DSCAM: variants seen among roughly 807,000 people sequenced by gnomAD.
DSCAM encodes cell adhesion molecule DSCAM.
Under a neutral mutation model 217.7 loss-of-function variants are expected in DSCAM, and 47 were observed. The observed-to-expected ratio is 0.22, with a 90% CI of 0.17 to 0.28. DSCAM has a LOEUF of 0.28. Ranked by LOEUF, DSCAM falls within the 10% of genes least tolerant of loss-of-function variation. The pLI, the probability that DSCAM is intolerant of heterozygous loss-of-function variation, is 1.00. For synonymous variants in DSCAM, 1,056 were observed against 1,015.3 expected, an observed-to-expected ratio of 1.04 and a Z score of -0.76; for missense variants, 2,080 against 2,618.3, an observed-to-expected ratio of 0.79 and a Z score of 4.49.
chr21:40,561,563 T>C (rs533547397), intron 3 of DSCAM, among the ~76,000 whole-genome samples: 138 of 152,350 alleles, frequency 9.1e-4, no homozygotes, highest in African/African-American at 3.2e-3. Flanking sequence ...CATTCAGTGA[T>C]ACCCCATTTC....
At position 40,363,063 on chromosome 21, in the gene DSCAM, C is replaced by T. The variant is rs1002197738; in HGVS notation, c.655+6036G>A. On this transcript the variant is annotated intron_variant, in intron 4 of 32. Transcript: ENST00000400454. ...CACCTCAGACATTTCCTGCCTCAGA[C>T]CTTCAATCAGCCACTCCTCCAAGAA... 2.6e-5 allele frequency among the ~76,000 whole-genome samples: 4 copies of T among 152,074 alleles called. No individual in the cohort carries two copies. The South Asian group carries it at 8.3e-4, about 31-fold the overall frequency.
chr21:40,454,571 C>T (rs188858506), intron 3 of DSCAM, among the ~76,000 whole-genome samples: 48 of 152,250 alleles, frequency 3.2e-4, no homozygotes, highest in African/African-American at 9.9e-4. Flanking sequence ...AGAGTTCACA[C>T]GGGGAAGTGT....
intron 3 of DSCAM, among the ~76,000 whole-genome samples, chr21:40,677,406 G>A (rs980412611): frequency 6.6e-6 from 1 of 152,046 alleles, no homozygotes; most frequent in South Asian, 2.1e-4. Flanking sequence ...TGGGAGCCGG[G>A]GGGTGAGGGA....
At chr21:40,134,156 A>T in intron 18 of DSCAM, 147 bp from the exon 19 acceptor site, 1 of 1,023,474 alleles carries the variant, frequency 9.8e-7, no homozygotes, top group Non-Finnish European at 1.4e-6. Flanking sequence ...GGGACTGTGC[A>T]CAGTCATCCT....
intron 3 of DSCAM, among the ~76,000 whole-genome samples, chr21:40,431,409 T>G (rs1333483119): frequency 1.3e-5 from 2 of 148,928 alleles, no homozygotes; most frequent in Non-Finnish European, 1.5e-5. Flanking sequence ...ATGATCCACT[T>G]CCACCTAATG....
intron 3 of DSCAM, among the ~76,000 whole-genome samples, chr21:40,615,714 G>T (rs1179992197): frequency 2.0e-5 from 3 of 152,158 alleles, no homozygotes; most frequent in African/African-American, 7.2e-5. Flanking sequence ...CCTGGGATGT[G>T]TAATAACATG....
At chr21:40,646,129 G>A (rs1462493024) in intron 3 of DSCAM, among the ~76,000 whole-genome samples, 1 of 152,146 alleles carries the variant, frequency 6.6e-6, no homozygotes, top group East Asian at 1.9e-4. Flanking sequence ...AATTAATCCT[G>A]AAAATCACTA....
At chr21:40,322,192 C>T (rs2074267142) in intron 8 of DSCAM, among the ~76,000 whole-genome samples, 1 of 152,154 alleles carries the variant, frequency 6.6e-6, no homozygotes, top group South Asian at 2.1e-4. Flanking sequence ...CCTTCTGCTG[C>T]CCCTCGCCCA....
intron 8 of DSCAM, among the ~76,000 whole-genome samples, chr21:40,327,770 G>A (rs1052207842): frequency 6.6e-6 from 1 of 151,924 alleles, no homozygotes; most frequent in African/African-American, 2.4e-5. Flanking sequence ...GTTAAATTTT[G>A]TCAAGTATTT....
intron 3 of DSCAM, among the ~76,000 whole-genome samples, chr21:40,481,810 T>C (rs1466977922): frequency 1.3e-5 from 2 of 152,068 alleles, no homozygotes; most frequent in Non-Finnish European, 2.9e-5. Context: ...GCGTTTTGGC[T>C]CTCCATCCAT....
At chr21:40,546,669 T>C (rs2076585435) in intron 3 of DSCAM, among the ~76,000 whole-genome samples, 1 of 152,176 alleles carries the variant, frequency 6.6e-6, no homozygotes, top group African/African-American at 2.4e-5. Context: ...TCCTTCGAGA[T>C]GAAGTTCATC....
intron 9 of DSCAM, among the ~76,000 whole-genome samples, chr21:40,296,547 T>C (rs2073956064): frequency 6.6e-6 from 1 of 152,056 alleles, no homozygotes; most frequent in Non-Finnish European, 1.5e-5. Context: ...AAAGAACAGA[T>C]CAGGCTGGGC....
At chr21:40,293,474 C>T (rs190611871) in intron 10 of DSCAM, among the ~76,000 whole-genome samples, 2 of 152,206 alleles carry the variant, frequency 1.3e-5, no homozygotes, top group East Asian at 1.9e-4. Flanking sequence ...CCTGAGCTGT[C>T]GACATCCAGA....
intron 3 of DSCAM, among the ~76,000 whole-genome samples, chr21:40,380,442 T>C (rs1008896425): frequency 3.3e-5 from 5 of 152,206 alleles, no homozygotes. Context: ...CACTGACATT[T>C]GAAAGCAAAT....
rs1325537665 is a variant in DSCAM at position 40,121,162 on chromosome 21, TGCAAATG to T, written c.3696+3026_3696+3032del. Among the ~76,000 whole-genome samples the T allele has an allele frequency of 2.6e-5, 4 of 152,338 alleles. No homozygotes were observed. The East Asian group carries it at 7.7e-4, about 29-fold the overall frequency. On this transcript the variant is annotated intron_variant, in intron 20 of 32. Transcript: ENST00000400454. ...GGTCATTCGCACACATAGCCAGAAA[TGCAAATG>T]CCTTGGAAAACTTGACAGCATCTAG...
intron 3 of DSCAM, among the ~76,000 whole-genome samples, chr21:40,641,848 G>A (rs1054088548): frequency 2.0e-5 from 3 of 152,030 alleles, no homozygotes; most frequent in Admixed American, 6.6e-5. Flanking sequence ...AGGAGTTCGA[G>A]ACCACCCTGG....
chr21:40,283,993 C>T (rs1240489935), intron 10 of DSCAM, among the ~76,000 whole-genome samples: 1 of 150,286 alleles, frequency 6.7e-6, no homozygotes, highest in Non-Finnish European at 1.5e-5. Context: ...CAAACACAAT[C>T]CCTTTCATCC....
chr21:40,495,964 A>C lies in DSCAM; in HGVS notation c.509-126719T>G, dbSNP rs538412537. On this transcript the variant is annotated intron_variant, in intron 3 of 32. Coordinates refer to ENST00000400454, the MANE Select transcript of DSCAM (RefSeq NM_001389.5). ...AAAAAATAGTAAAATATCTAGGAAT[A>C]AGTTTAACCAAGGAAGTGAAAAATC... Among the ~76,000 whole-genome samples the C allele has an allele frequency of 1.2e-3, 188 of 152,292 alleles. 1 individual carries two copies. The highest frequency in any genetic ancestry group is 4.1e-3 in the African/African-American group (172 of 41,586).
intron 3 of DSCAM, among the ~76,000 whole-genome samples, chr21:40,603,270 T>C (rs1273041985): frequency 1.3e-5 from 2 of 152,140 alleles, no homozygotes; most frequent in Non-Finnish European, 2.9e-5. Context: ...GAATAGACCA[T>C]GTGAATTTGT....
Sources: allele counts gnomAD v4.1 joint callset (sites outside exome capture counted in the v4.1 genomes callset), GRCh38; gene constraint gnomAD v4.1.1; transcripts MANE v1.5; gene names NCBI Gene and HGNC (gene_info 2026-07-23, HGNC 2026-07-21).